Variants in SLC38A5 observed in about 807,000 individuals in gnomAD.
The protein encoded by SLC38A5 is sodium-coupled neutral amino acid transporter 5.
A neutral mutation model predicts 34.6 loss-of-function variants in SLC38A5; 9 were observed. That is an observed-to-expected ratio of 0.26 (90% confidence interval 0.16 to 0.45). The LOEUF (loss-of-function observed/expected upper bound fraction) is 0.45, where lower values mean the gene tolerates loss of function less well. SLC38A5 is among the 20% of genes least tolerant of loss of function. The pLI, the probability that SLC38A5 is intolerant of heterozygous loss-of-function variation, is 1.00. For missense variants in SLC38A5, 253 were observed against 394.7 expected, an observed-to-expected ratio of 0.64 and a Z score of 3.04; for synonymous variants, 157 against 155.6, an observed-to-expected ratio of 1.01 and a Z score of -0.07.
Position 48,462,217 on chromosome X carries a change from C to T in SLC38A5, c.633+16G>A. 1 of 1,211,647 alleles carries T rather than the reference C, an allele frequency of 8.3e-7. No individual in the cohort carries two copies. The highest frequency in any genetic ancestry group is 1.7e-5 in the African/African-American group (1 of 57,731). On this transcript the variant is annotated intron_variant, in intron 10 of 16. Transcript: ENST00000620913. Reference sequence around the variant, plus strand: ...CCCAATGTCCCAAACTCTCTCCCCGCTTCTCTGTGACTCACCGAAACAAGG... The same window carrying T: ...CCCAATGTCCCAAACTCTCTCCCCGTTTCTCTGTGACTCACCGAAACAAGG...
chrX:48,460,630 A>C lies in SLC38A5; in HGVS notation c.1068+19T>G. Reference sequence around the variant, plus strand: ...CTACCCATCCATCCATGTCCCTCTCAGCCGTGGGCCCCACGCACAGGGAAC... The same window carrying C: ...CTACCCATCCATCCATGTCCCTCTCCGCCGTGGGCCCCACGCACAGGGAAC... On this transcript the variant is annotated intron_variant, in intron 14 of 16. Coordinates refer to ENST00000620913, the MANE Select transcript of SLC38A5 (RefSeq NM_033518.4). 1 of 1,203,331 alleles carries C rather than the reference A, an allele frequency of 8.3e-7. No individual in the cohort carries two copies. Among genetic ancestry groups the C allele is most frequent in the African/African-American group, 1.7e-5 (1 of 57,693 alleles).
At chrX:48,462,379 G>A (rs1396727570) in intron 9 of SLC38A5, 88 bp from the exon 10 acceptor site, 2 of 953,551 alleles carry the variant, frequency 2.1e-6, no homozygotes, top group Admixed American at 2.6e-5. Flanking sequence ...GGCCTAAGCG[G>A]GTGGATCACC....
intron 14 of SLC38A5, among the ~76,000 whole-genome samples, chrX:48,460,331 C>G (rs1260968383): frequency 1.8e-5 from 2 of 110,783 alleles, no homozygotes; most frequent in East Asian, 5.7e-4. Flanking sequence ...CTTTTTCTGT[C>G]CATCCCTGTT....
At chrX:48,463,082 C>A in intron 8 of SLC38A5, 102 bp from the exon 9 acceptor site, 1 of 641,724 alleles carries the variant, frequency 1.6e-6, no homozygotes, top group Non-Finnish European at 2.4e-6. Context: ...TGCCCTAAGT[C>A]AGGAGAGTTA....
chrX:48,461,097 G>A lies in SLC38A5; in HGVS notation c.852-11C>T. ...CTGCGCTTGGAGGGCCTGAGGTGTA[G>A]AGGTCGTGGAACTGTCATGCCCAGA... is the stretch of plus-strand genomic sequence containing the variant. On this transcript the variant is annotated splice_polypyrimidine_tract_variant and intron_variant, in intron 12 of 16. Transcript: ENST00000620913. The A allele has an allele frequency of 8.4e-7, 1 of 1,194,442 alleles. No individual in the cohort carries two copies.
chrX:48,461,968 C>T (rs1039375826), intron 11 of SLC38A5, 39 bp downstream of exon 11: 1 of 1,144,525 alleles, frequency 8.7e-7, no homozygotes, highest in African/African-American at 1.8e-5. Context: ...ACCAGAGGGC[C>T]TGAGTGTGAT....
Position 48,468,982 on chromosome X carries a change from C to T in SLC38A5, c.-2+353G>A, listed in dbSNP as rs2061498150. 6.6e-6 allele frequency: 5 copies of T among 753,864 alleles called. No individual in the cohort carries two copies. The South Asian group carries it at 3.4e-4, about 51-fold the overall frequency. 62.1% of individuals were successfully genotyped at this position (753,864 alleles called of 1,213,427 possible). On this transcript the variant is annotated intron_variant, in intron 2 of 16. Coordinates refer to ENST00000620913, the MANE Select transcript of SLC38A5 (RefSeq NM_033518.4). ...TCTCTGAAGAAACCCCAGCTCCCTC[C>T]CGCGCTTACTCCTTGGGAAGGAGGT... is the stretch of plus-strand genomic sequence containing the variant.
At chrX:48,463,124 G>T in intron 8 of SLC38A5, 144 bp from the exon 9 acceptor site, 1 of 459,619 alleles carries the variant, frequency 2.2e-6, no homozygotes. Flanking sequence ...AAGTCATTCA[G>T]GTGGTCACAG....
Position 48,462,905 on chromosome X carries a change from T to C in SLC38A5, c.567A>G (p.Lys189=). The change falls in exon 9 of 17, where the codon AAA becomes AAG. Residue 189 remains lysine (K), a synonymous_variant. Coordinates refer to ENST00000620913, the MANE Select transcript of SLC38A5 (RefSeq NM_033518.4). ...ACCCAGGGAGCCTCTTACCCAAGTG[T>C]TTCATGAGGGCGAGGGGCAGGATGA... ...VLIILPLALM[K]HLGYLGYTSG... 2 of 1,206,896 alleles carry C rather than the reference T, an allele frequency of 1.7e-6. No individual in the cohort carries two copies. Among genetic ancestry groups the C allele is most frequent in the Non-Finnish European group, 2.2e-6 (2 of 893,210 alleles).
At chrX:48,462,842 T>C (rs1232645399) in intron 9 of SLC38A5, 56 bp downstream of exon 9, 1 of 961,865 alleles carries the variant, frequency 1.0e-6, no homozygotes, top group African/African-American at 1.9e-5. Flanking sequence ...GTTTTCTCAG[T>C]CTGGCTTCTT....
intron 8 of SLC38A5, 87 bp from the exon 9 acceptor site, chrX:48,463,067 C>A (rs1235346261): frequency 1.4e-6 from 1 of 738,816 alleles, no homozygotes; most frequent in Admixed American, 3.3e-5. Flanking sequence ...GGACAGGCAG[C>A]TTTCTGCCCT....
chrX:48,465,114 C>A (rs782329908), intron 8 of SLC38A5, among the ~76,000 whole-genome samples: 4 of 111,569 alleles, frequency 3.6e-5, no homozygotes, highest in African/African-American at 1.3e-4. Flanking sequence ...ACACGTGCAG[C>A]TGGAGCACAA....
At chrX:48,463,913 G>GAAAGAAAGAAAGAA (rs1569470031) in intron 8 of SLC38A5, among the ~76,000 whole-genome samples, 13 of 96,291 alleles carry the variant, frequency 1.4e-4, no homozygotes, top group African/African-American at 5.0e-4. Flanking sequence ...GAAAGAAAGA[G>GAAAGAAAGAAAGAA]AAAGAAAGAA....
At chrX:48,468,474 C>A in intron 2 of SLC38A5, 1 of 703,218 alleles carries the variant, frequency 1.4e-6, no homozygotes, top group Non-Finnish European at 1.7e-6. Flanking sequence ...CCCGCCTGGG[C>A]CCCCAAGCCC....
Position 48,458,741 on chromosome X carries a change from G to A in SLC38A5, c.*192C>T. Reference sequence around the variant, plus strand: ...CCCATGGGGTTGGGGTTGGGATTAGGGCCATGATCCAAGCTTGGCATCCCT... The same window carrying A: ...CCCATGGGGTTGGGGTTGGGATTAGAGCCATGATCCAAGCTTGGCATCCCT... On this transcript the variant is annotated 3_prime_UTR_variant, in exon 17 of 17. Transcript: ENST00000620913. 6 of 1,051,278 alleles carry A rather than the reference G, an allele frequency of 5.7e-6. No individual in the cohort carries two copies. In the South Asian group the frequency reaches 7.9e-5, roughly 14 times the overall value. 86.6% of individuals were successfully genotyped at this position (1,051,278 alleles called of 1,213,427 possible). A position where few individuals can be genotyped will look rare whatever the true frequency, so the allele number is the denominator to read the frequency against.
At chrX:48,460,953 C>A in intron 13 of SLC38A5, 33 bp downstream of exon 13, 1 of 1,105,867 alleles carries the variant, frequency 9.0e-7, no homozygotes, top group South Asian at 1.9e-5. Context: ...AGGCCTTCCC[C>A]CTCCCCCCAG....
At chrX:48,459,294 G>C in intron 16 of SLC38A5, 2 of 432,484 alleles carry the variant, frequency 4.6e-6, no homozygotes, top group Middle Eastern at 6.5e-4. Flanking sequence ...CTTTCCATCT[G>C]TCTGGAGAAT....
In SLC38A5 at chrX:48,463,026, A is replaced by G. The variant is rs782589023; in HGVS notation, c.492-46T>C. Reference sequence around the variant, plus strand: ...AGTGCCTAGCTGCCAGCCAAAGGAAACTGTCAGGCAGACACTCACAGAAGA... The same window carrying G: ...AGTGCCTAGCTGCCAGCCAAAGGAAGCTGTCAGGCAGACACTCACAGAAGA... On this transcript the variant is annotated intron_variant, in intron 8 of 16. Coordinates refer to ENST00000620913, the MANE Select transcript of SLC38A5 (RefSeq NM_033518.4). 5.8e-6 allele frequency: 6 copies of G among 1,030,024 alleles called. No homozygotes were observed. The East Asian group carries it at 1.9e-4, about 32-fold the overall frequency. 84.9% of individuals were successfully genotyped at this position (1,030,024 alleles called of 1,213,427 possible). A position where few individuals can be genotyped will look rare whatever the true frequency, so the allele number is the denominator to read the frequency against.
chrX:48,467,066 C>T lies in SLC38A5; in HGVS notation c.141G>A (p.Lys47=). The T allele has an allele frequency of 8.3e-7, 1 of 1,210,621 alleles. No individual in the cohort carries two copies. Among genetic ancestry groups the T allele is most frequent in the Non-Finnish European group, 1.1e-6 (1 of 894,579 alleles). ...KPVQFMDFEG[K]TSFGMSVFNL... Reference sequence around the variant, plus strand: ...TGAACACTGACATTCCAAACGATGTCTTCCCCTCGAACTGCACGCAAGGAG... The same window carrying T: ...TGAACACTGACATTCCAAACGATGTTTTCCCCTCGAACTGCACGCAAGGAG... Residue 47 remains lysine, a synonymous_variant, in exon 5 of 17, where the codon AAG becomes AAA. Transcript: ENST00000620913.
Sources: allele counts gnomAD v4.1 joint callset (sites outside exome capture counted in the v4.1 genomes callset), GRCh38; gene constraint gnomAD v4.1.1; transcripts MANE v1.5; gene names NCBI Gene and HGNC (gene_info 2026-07-23, HGNC 2026-07-21).